The following MDGA2 variants were observed in gnomAD, a reference collection of about 807,000 sequenced individuals.
The protein encoded by MDGA2 is MAM domain containing glycosylphosphatidylinositol anchor 2.
MDGA2 carries 40 observed loss-of-function variants against 117.8 expected under a neutral mutation model. The ratio of observed to expected loss-of-function variants is 0.34; its 90% CI spans 0.26 to 0.44. The LOEUF (loss-of-function observed/expected upper bound fraction) is 0.44. Ranked by LOEUF, MDGA2 falls within the 20% of genes least tolerant of loss-of-function variation. MDGA2 has a pLI of 1.00. For missense variants in MDGA2, 1,123 were observed against 1,250.6 expected, an observed-to-expected ratio of 0.90 and a Z score of 1.54; for synonymous variants, 452 against 439.0, an observed-to-expected ratio of 1.03 and a Z score of -0.37.
chr14:47,339,297 TTTTA>T (rs917493506), intron 1 of MDGA2, among the ~76,000 whole-genome samples: 102 of 152,250 alleles, frequency 6.7e-4, no homozygotes, highest in African/African-American at 2.4e-3. Context: ...CAAAAAGAGA[TTTTA>T]TTTTTCTCAA....
intron 1 of MDGA2, among the ~76,000 whole-genome samples, chr14:47,648,440 T>C (rs989673996): frequency 2.0e-5 from 3 of 152,160 alleles, no homozygotes; most frequent in African/African-American, 7.2e-5. Context: ...ACCATTTTTA[T>C]AGTTCTTTGA....
At chr14:47,560,431 T>C (rs1250245681) in intron 1 of MDGA2, among the ~76,000 whole-genome samples, 1 of 152,154 alleles carries the variant, frequency 6.6e-6, no homozygotes, top group Non-Finnish European at 1.5e-5. Flanking sequence ...CTCATTGTGG[T>C]TTTGATTTGC....
intron 2 of MDGA2, among the ~76,000 whole-genome samples, chr14:47,260,303 C>T (rs1594758463): frequency 6.6e-6 from 1 of 152,042 alleles, no homozygotes; most frequent in East Asian, 1.9e-4. Flanking sequence ...CTGAGATACC[C>T]TAGCACTATA....
intron 8 of MDGA2, among the ~76,000 whole-genome samples, chr14:46,970,220 C>CA (rs1212412044): frequency 6.6e-6 from 1 of 151,250 alleles, no homozygotes; most frequent in Non-Finnish European, 1.5e-5. Context: ...TGTATGAAAC[C>CA]AAAAAAGAGC....
intron 3 of MDGA2, among the ~76,000 whole-genome samples, chr14:47,170,633 G>T (rs1884084829): frequency 6.6e-6 from 1 of 152,192 alleles, no homozygotes; most frequent in South Asian, 2.1e-4. Flanking sequence ...GGGGGAAACA[G>T]CTCTATATAT....
intron 1 of MDGA2, among the ~76,000 whole-genome samples, chr14:47,409,989 A>G (rs775479258): frequency 1.8e-4 from 28 of 152,160 alleles, no homozygotes; most frequent in Non-Finnish European, 3.1e-4. Flanking sequence ...TCTGCTCCAT[A>G]ATAAGCACCA....
intron 1 of MDGA2, among the ~76,000 whole-genome samples, chr14:47,309,978 G>C (rs1889582426): frequency 1.3e-5 from 2 of 151,970 alleles, no homozygotes. Flanking sequence ...AAACTATCTT[G>C]TTTGACAAGT....
At chr14:47,052,261 A>T (rs558562604) in intron 7 of MDGA2, among the ~76,000 whole-genome samples, 22 of 151,836 alleles carry the variant, frequency 1.4e-4, no homozygotes, top group African/African-American at 5.3e-4. Context: ...TATTGGGTAT[A>T]CTCTCTCATT....
At chr14:47,077,495 C>T (rs993491583) in intron 6 of MDGA2, among the ~76,000 whole-genome samples, 8 of 151,846 alleles carry the variant, frequency 5.3e-5, no homozygotes, top group Non-Finnish European at 7.4e-5. Context: ...TCAGCATGAT[C>T]GCTGTATATG....
Position 47,518,812 on chromosome 14 carries a change from A to G in MDGA2, c.280+155705T>C, listed in dbSNP as rs1371392999. ...GCTGTCAAACACACATTCAGGAGAC[A>G]TAGATAATTAGCTAAGTGCTAGGCT... is the stretch of plus-strand genomic sequence containing the variant. On this transcript the variant is annotated intron_variant, in intron 1 of 16. Coordinates refer to ENST00000399232, the MANE Select transcript of MDGA2 (RefSeq NM_001113498.3). Among the ~76,000 whole-genome samples, 3 of 152,230 alleles carry G rather than the reference A, an allele frequency of 2.0e-5. No individual in the cohort carries two copies. In the East Asian group the frequency reaches 5.8e-4, roughly 29 times the overall value.
intron 8 of MDGA2, among the ~76,000 whole-genome samples, chr14:46,985,137 T>C (rs980149192): frequency 6.6e-6 from 1 of 152,072 alleles, no homozygotes; most frequent in African/African-American, 2.4e-5. Flanking sequence ...CTACTGACCT[T>C]CTGTGGGATT....
At chr14:47,673,632 ATGTGTGTGTGTGTG>A (rs10528657) in intron 1 of MDGA2, among the ~76,000 whole-genome samples, 7 of 143,980 alleles carry the variant, frequency 4.9e-5, no homozygotes, top group Admixed American at 1.4e-4. Context: ...TATGACCTGG[ATGTGTGTGTGTGTG>A]TGTGTGTGTG....
intron 1 of MDGA2, among the ~76,000 whole-genome samples, chr14:47,374,485 C>T (rs182774640): frequency 3.0e-4 from 46 of 152,170 alleles, no homozygotes; most frequent in Non-Finnish European, 5.7e-4. Flanking sequence ...CTCTTGGATG[C>T]TCAAATTATT....
chr14:47,022,104 A>G (rs1301580086), intron 8 of MDGA2, among the ~76,000 whole-genome samples: 1 of 152,056 alleles, frequency 6.6e-6, no homozygotes, highest in Non-Finnish European at 1.5e-5. Context: ...ATTTTTTTCG[A>G]GACAGGGTTT....
chr14:47,218,310 T>C (rs1886174984), intron 2 of MDGA2, 115 bp from the exon 3 acceptor site: 1 of 875,760 alleles, frequency 1.1e-6, no homozygotes, highest in South Asian at 2.2e-5. Flanking sequence ...GCCTCTCCCA[T>C]CAAATTATTG....
chr14:47,071,159 T>C (rs1252060526), intron 6 of MDGA2, among the ~76,000 whole-genome samples: 5 of 152,218 alleles, frequency 3.3e-5, no homozygotes, highest in East Asian at 3.9e-4. Flanking sequence ...GAAATACTTA[T>C]GGTTACAACA....
At chr14:47,142,396 T>C (rs61995367) in intron 4 of MDGA2, among the ~76,000 whole-genome samples, 16,291 of 152,058 alleles carry the variant, frequency 0.11, 974 homozygotes, top group Middle Eastern at 0.19. Flanking sequence ...TGAGTGGAGA[T>C]CATGCCACTG....
intron 1 of MDGA2, among the ~76,000 whole-genome samples, chr14:47,605,255 G>C (rs1186004058): frequency 1.3e-5 from 2 of 151,990 alleles, no homozygotes; most frequent in South Asian, 4.1e-4. Context: ...TTTTCAACGA[G>C]ACAGATGAAG....
At chr14:47,412,323 C>CAAGCTAGA (rs1278182494) in intron 1 of MDGA2, among the ~76,000 whole-genome samples, 2 of 152,074 alleles carry the variant, frequency 1.3e-5, no homozygotes, top group African/African-American at 4.8e-5. Context: ...TTCAGCCACC[C>CAAGCTAGA]AAGCTAGAGT....
Sources: gnomAD v4.1 joint callset for allele counts (sites outside exome capture counted in the v4.1 genomes callset) on GRCh38, gnomAD v4.1.1 for gene constraint, MANE v1.5 for transcripts, NCBI Gene and HGNC (gene_info 2026-07-23, HGNC 2026-07-21) for gene names.